REEP3: variants seen among roughly 807,000 people sequenced by gnomAD.
REEP3 encodes the protein receptor accessory protein 3.
A neutral mutation model predicts 41.3 loss-of-function variants in REEP3; 20 were observed. That is an observed-to-expected ratio of 0.48 (90% CI 0.34 to 0.70). The LOEUF (loss-of-function observed/expected upper bound fraction) is 0.70, where lower values mean the gene tolerates loss of function less well. REEP3 is among the 30% of genes least tolerant of loss of function. The pLI, the probability that REEP3 is intolerant of heterozygous loss-of-function variation, is 0.01. For missense variants in REEP3, 271 were observed against 308.8 expected, an observed-to-expected ratio of 0.88 and a Z score of 0.92; for synonymous variants, 104 against 101.8, an observed-to-expected ratio of 1.02 and a Z score of -0.13.
intron 1 of REEP3, among the ~76,000 whole-genome samples, chr10:63,558,652 G>T (rs1322467264): frequency 6.6e-6 from 1 of 152,090 alleles, no homozygotes; most frequent in Non-Finnish European, 1.5e-5. Flanking sequence ...AGCCAGGCAT[G>T]GTGGCACTTG....
At chr10:63,599,094 T>C in intron 4 of REEP3, 76 bp from the exon 5 acceptor site, 4 of 697,516 alleles carry the variant, frequency 5.7e-6, no homozygotes, top group Non-Finnish European at 9.9e-6. Flanking sequence ...GAAACTATTA[T>C]AGGGAGAATG....
At chr10:63,618,571 C>T (rs2133437810) in intron 6 of REEP3, among the ~76,000 whole-genome samples, 1 of 152,278 alleles carries the variant, frequency 6.6e-6, no homozygotes, top group South Asian at 2.1e-4. Context: ...TCTAATCTCA[C>T]CCCTTTCTTT....
chr10:63,568,353 A>G (rs1411387176), intron 2 of REEP3, among the ~76,000 whole-genome samples: 1 of 146,596 alleles, frequency 6.8e-6, no homozygotes, highest in African/African-American at 2.5e-5. Context: ...TGGAAGCTCT[A>G]CCTCCCGGGT....
At chr10:63,560,736 A>G (rs1589867249) in intron 1 of REEP3, among the ~76,000 whole-genome samples, 1 of 152,344 alleles carries the variant, frequency 6.6e-6, no homozygotes, top group East Asian at 1.9e-4. Context: ...TATTCCCTTT[A>G]TAAGCCCTCC....
intron 1 of REEP3, among the ~76,000 whole-genome samples, chr10:63,560,784 T>G (rs891328961): frequency 1.3e-5 from 2 of 152,166 alleles, no homozygotes; most frequent in African/African-American, 4.8e-5. Context: ...TATACTTTAT[T>G]TGATTTTACA....
Position 63,620,192 on chromosome 10 carries a change from C to T in REEP3, c.711+392C>T, listed in dbSNP as rs377304260. 5.9e-5 allele frequency among the ~76,000 whole-genome samples: 9 copies of T among 152,222 alleles called. No homozygotes were observed. In the East Asian group the frequency reaches 1.4e-3, roughly 23 times the overall value. On this transcript the variant is annotated intron_variant, in intron 7 of 7. Coordinates refer to ENST00000373758, the MANE Select transcript of REEP3 (RefSeq NM_001001330.3). ...AAGCAATCCTCTCGCCTCCGCCTCT[C>T]GAAGTGCTGGGATTCCAGGCGTGAG...
chr10:63,610,517 A>G (rs1180938976), intron 6 of REEP3, among the ~76,000 whole-genome samples, 183 bp downstream of exon 6: 1 of 152,158 alleles, frequency 6.6e-6, no homozygotes, highest in Non-Finnish European at 1.5e-5. Flanking sequence ...ACCATGGCAC[A>G]TGTATACCTG....
Position 63,603,708 on chromosome 10 carries a change from A to G in REEP3, c.417+4425A>G, listed in dbSNP as rs780778510. On this transcript the variant is annotated intron_variant, in intron 5 of 7. Coordinates refer to ENST00000373758, the MANE Select transcript of REEP3 (RefSeq NM_001001330.3). ...CATCCCTGTATGTAAGGTAACCTTC[A>G]TTATTCTCATGAGTACCGGAATGTT... Among the ~76,000 whole-genome samples the G allele has an allele frequency of 5.5e-4, 84 of 152,148 alleles. 1 individual carries two copies. Among genetic ancestry groups the G allele is most frequent in the Non-Finnish European group, 1.0e-3 (70 of 68,018 alleles).
intron 1 of REEP3, among the ~76,000 whole-genome samples, chr10:63,546,088 A>G (rs184893286): frequency 6.6e-6 from 1 of 152,314 alleles, no homozygotes; most frequent in Admixed American, 6.5e-5. Context: ...GCTGGAGCAG[A>G]GTAGTGTGAC....
At chr10:63,567,802 G>T (rs186368016) in intron 2 of REEP3, among the ~76,000 whole-genome samples, 1 of 152,022 alleles carries the variant, frequency 6.6e-6, no homozygotes. Flanking sequence ...CAGGGTTTTT[G>T]GGGGGTGGGA....
intron 2 of REEP3, among the ~76,000 whole-genome samples, chr10:63,594,515 A>G (rs567395543): frequency 6.6e-6 from 1 of 152,348 alleles, no homozygotes; most frequent in Admixed American, 6.5e-5. Context: ...CCTAGATTAT[A>G]TTGTATCAAG....
At chr10:63,581,868 T>C (rs1184660968) in intron 2 of REEP3, among the ~76,000 whole-genome samples, 1 of 109,762 alleles carries the variant, frequency 9.1e-6, no homozygotes, top group Admixed American at 9.9e-5. Flanking sequence ...GTTCAGCTCC[T>C]TTTTTTTTTT....
chr10:63,583,396 G>T (rs1048925057), intron 2 of REEP3, among the ~76,000 whole-genome samples: 8 of 152,174 alleles, frequency 5.3e-5, no homozygotes, highest in Admixed American at 2.0e-4. Context: ...TATGTTTAAA[G>T]TATGCTGTCA....
intron 2 of REEP3, among the ~76,000 whole-genome samples, chr10:63,567,554 T>A (rs1191315034): frequency 6.6e-6 from 1 of 152,186 alleles, no homozygotes; most frequent in African/African-American, 2.4e-5. Flanking sequence ...CATTCTACTG[T>A]ATGGATATAT....
At chr10:63,589,802 TTTTTTTTTTG>T (rs1339406561) in intron 2 of REEP3, among the ~76,000 whole-genome samples, 4 of 140,180 alleles carry the variant, frequency 2.9e-5, no homozygotes, top group Non-Finnish European at 3.1e-5. Context: ...TTTTTTTTTT[TTTTTTTTTTG>T]GAAACGGAGT....
Position 63,591,135 on chromosome 10 carries a change from T to G in REEP3, c.106-3643T>G, listed in dbSNP as rs200364019. 2.0e-3 allele frequency among the ~76,000 whole-genome samples: 306 copies of G among 151,610 alleles called. 1 individual carries two copies. In the East Asian group the frequency reaches 0.031, roughly 15 times the overall value. ...TTTGTGTTTTTGTTTTTGTTTTTTT[T>G]TTTTTTGACCTTGACTTCTTTCTGC... is the stretch of plus-strand genomic sequence containing the variant. On this transcript the variant is annotated intron_variant, in intron 2 of 7. Coordinates refer to ENST00000373758, the MANE Select transcript of REEP3 (RefSeq NM_001001330.3).
intron 2 of REEP3, among the ~76,000 whole-genome samples, chr10:63,578,555 G>A (rs1236881092): frequency 1.3e-5 from 2 of 152,004 alleles, no homozygotes; most frequent in African/African-American, 2.4e-5. Flanking sequence ...TGGATCAATC[G>A]CTTGAGTCCA....
intron 6 of REEP3, among the ~76,000 whole-genome samples, chr10:63,614,179 C>CA (rs1316122133): frequency 6.6e-6 from 1 of 151,812 alleles, no homozygotes; most frequent in Non-Finnish European, 1.5e-5. Flanking sequence ...CTCAGATAAT[C>CA]AAAAAATAGT....
At chr10:63,547,396 G>A (rs1314390362) in intron 1 of REEP3, among the ~76,000 whole-genome samples, 4 of 152,098 alleles carry the variant, frequency 2.6e-5, no homozygotes, top group Non-Finnish European at 4.4e-5. Flanking sequence ...AAAATCACAT[G>A]TAAATGCAAA....
Sources: gnomAD v4.1 joint callset for allele counts (sites outside exome capture counted in the v4.1 genomes callset) on GRCh38, gnomAD v4.1.1 for gene constraint, MANE v1.5 for transcripts, NCBI Gene and HGNC (gene_info 2026-07-23, HGNC 2026-07-21) for gene names.